HFM1: variants seen among roughly 807,000 people sequenced by gnomAD.
HFM1 encodes probable ATP-dependent DNA helicase HFM1.
Under a neutral mutation model 192.1 loss-of-function variants are expected in HFM1, and 169 were observed. The ratio of observed to expected loss-of-function variants is 0.88; its 90% CI spans 0.78 to 1.00. The LOEUF is 1.00. HFM1 is among the 50% of genes least tolerant of loss of function. The probability of loss-of-function intolerance (pLI) is 0.00; values close to 1 mark genes in which losing one functional copy is unlikely to be tolerated. For missense variants in HFM1, 1,661 were observed against 1,668.0 expected, an observed-to-expected ratio of 1.00 and a Z score of 0.07; for synonymous variants, 525 against 537.8, an observed-to-expected ratio of 0.98 and a Z score of 0.33.
chr1:91,375,329 T>C (rs201010515), intron 13 of HFM1, 29 bp downstream of exon 13: 4 of 1,539,542 alleles, frequency 2.6e-6, no homozygotes, highest in Admixed American at 1.8e-5. Flanking sequence ...AAAGTCCTTC[T>C]ACTTCCATGA....
chr1:91,350,696 G>A (rs766943436), intron 18 of HFM1, 42 bp downstream of exon 18: 2 of 1,592,224 alleles, frequency 1.3e-6, no homozygotes, highest in Non-Finnish European at 1.7e-6. Flanking sequence ...AGGCCTAGCT[G>A]GCTTGAAAAA....
chr1:91,317,767 CTT>C (rs1490546389), intron 25 of HFM1, among the ~76,000 whole-genome samples: 1 of 149,830 alleles, frequency 6.7e-6, no homozygotes, highest in African/African-American at 2.4e-5. Flanking sequence ...TGACTTTTAA[CTT>C]TTTCATTTAT....
At chr1:91,342,856 T>C (rs1655553377) in intron 20 of HFM1, among the ~76,000 whole-genome samples, 1 of 152,248 alleles carries the variant, frequency 6.6e-6, no homozygotes, top group African/African-American at 2.4e-5. Context: ...ATAATAGTTA[T>C]AACAGGTTTA....
At chr1:91,366,427 T>A (rs762928473) in intron 13 of HFM1, among the ~76,000 whole-genome samples, 15 of 152,280 alleles carry the variant, frequency 9.9e-5, no homozygotes, top group African/African-American at 3.6e-4. Context: ...TGACAAAAAG[T>A]GATATGAACC....
At chr1:91,375,331 C>A in intron 13 of HFM1, 27 bp downstream of exon 13, 2 of 1,553,070 alleles carry the variant, frequency 1.3e-6, no homozygotes, top group South Asian at 1.1e-5. Context: ...AGTCCTTCTA[C>A]TTCCATGAAA....
rs564668032 is a variant in HFM1, at chr1:91,276,144, G to A, written c.3588+484C>T. Among the ~76,000 whole-genome samples the A allele has an allele frequency of 5.9e-5, 9 of 152,000 alleles. No homozygotes were observed. In the South Asian group the frequency reaches 1.9e-3, roughly 32 times the overall value. On this transcript the variant is annotated intron_variant, in intron 32 of 38. Coordinates refer to ENST00000370425, the MANE Select transcript of HFM1 (RefSeq NM_001017975.6). ...GGAATATTTAGCTATCCCTTCCTACGATCATTCTGGTGCCTGCCCCTCCAT... is the reference window on the plus strand; with the variant it reads ...GGAATATTTAGCTATCCCTTCCTACAATCATTCTGGTGCCTGCCCCTCCAT...
chr1:91,341,580 C>T (rs1160908281), intron 20 of HFM1, among the ~76,000 whole-genome samples: 1 of 151,864 alleles, frequency 6.6e-6, no homozygotes, highest in Non-Finnish European at 1.5e-5. Flanking sequence ...TAGAAATAAC[C>T]AAAATCAGAG....
chr1:91,287,264 T>G (rs1668103143), intron 30 of HFM1, among the ~76,000 whole-genome samples: 1 of 152,212 alleles, frequency 6.6e-6, no homozygotes, highest in African/African-American at 2.4e-5. Flanking sequence ...TGTCCCTGTC[T>G]GACAGCTTTG....
chr1:91,340,406 A>G (rs1437235953), intron 20 of HFM1, among the ~76,000 whole-genome samples: 1 of 152,206 alleles, frequency 6.6e-6, no homozygotes, highest in African/African-American at 2.4e-5. Flanking sequence ...TTTTCAGATA[A>G]GCTAAGGGAA....
intron 2 of HFM1, among the ~76,000 whole-genome samples, 170 bp from the exon 3 acceptor site, chr1:91,396,575 T>C (rs1663689322): frequency 1.3e-5 from 2 of 152,210 alleles, no homozygotes; most frequent in South Asian, 2.1e-4. Flanking sequence ...TTTACCCTTA[T>C]ATATCATAGG....
intron 17 of HFM1, 36 bp from the exon 18 acceptor site, chr1:91,350,907 T>A: frequency 6.6e-7 from 1 of 1,512,216 alleles, no homozygotes. Flanking sequence ...GAATATGCAG[T>A]TCAATGCCAT....
At chr1:91,370,598 A>G (rs1660049930) in intron 13 of HFM1, among the ~76,000 whole-genome samples, 1 of 152,188 alleles carries the variant, frequency 6.6e-6, no homozygotes, top group Non-Finnish European at 1.5e-5. Context: ...TCTCAAAATA[A>G]TAAGAGCTAT....
Position 91,394,106 on chromosome 1 carries a change from C to G in HFM1, c.481G>C (p.Val161Leu). ...FAEDKGESTS[V>L]FRKRLFKISD... ...TATAATAATTACCTTTTCCGGAATA[C>G]TGATGTGCTCTCTCCTTTATCTTCT... The change falls in exon 4 of 39, where the codon GTA becomes CTA. Residue 161 changes from valine (V) to leucine (L), a missense_variant. Physicochemically the swap from Val to Leu is conservative, Grantham distance 32. Coordinates refer to ENST00000370425, the MANE Select transcript of HFM1 (RefSeq NM_001017975.6). 1 of 1,539,736 alleles carries G rather than the reference C, an allele frequency of 6.5e-7. No individual in the cohort carries two copies. The highest frequency in any genetic ancestry group is 1.2e-5 in the South Asian group (1 of 81,378).
intron 13 of HFM1, 131 bp downstream of exon 13, chr1:91,375,227 T>C (rs282037): frequency 1 from 625,347 of 625,584 alleles, 312,555 homozygotes; most frequent in East Asian, 1. Flanking sequence ...CTCAAAATTA[T>C]CATTATCCTT....
chr1:91,285,005 G>T (rs953771848), intron 30 of HFM1, among the ~76,000 whole-genome samples: 2 of 152,158 alleles, frequency 1.3e-5, no homozygotes, highest in African/African-American at 2.4e-5. Context: ...TACTGTTCTT[G>T]TGGTAGTGAA....
intron 13 of HFM1, among the ~76,000 whole-genome samples, chr1:91,374,442 C>T (rs1410910143): frequency 3.3e-5 from 5 of 152,140 alleles, no homozygotes; most frequent in Non-Finnish European, 4.4e-5. Context: ...GAAAAGGATA[C>T]AGCCTAGGCA....
At chr1:91,329,372 T>C in intron 20 of HFM1, 1 of 1,594,938 alleles carries the variant, frequency 6.3e-7, no homozygotes. Flanking sequence ...GTAAGAGTCA[T>C]TAAGGCAGCA....
intron 30 of HFM1, among the ~76,000 whole-genome samples, chr1:91,290,140 A>C (rs1266406590): frequency 6.6e-6 from 1 of 152,204 alleles, no homozygotes; most frequent in Non-Finnish European, 1.5e-5. Flanking sequence ...AAACTGCATC[A>C]ACTAACAAGC....
chr1:91,331,537 T>C (rs566267360), intron 20 of HFM1, among the ~76,000 whole-genome samples: 1 of 152,268 alleles, frequency 6.6e-6, no homozygotes, highest in South Asian at 2.1e-4. Flanking sequence ...CCATTTATAA[T>C]AGCCACAATT....
Sources: gnomAD v4.1 joint callset for allele counts (sites outside exome capture counted in the v4.1 genomes callset) on GRCh38, gnomAD v4.1.1 for gene constraint, MANE v1.5 for transcripts, NCBI Gene and HGNC (gene_info 2026-07-23, HGNC 2026-07-21) for gene names.